RIN3: variants seen among roughly 807,000 people sequenced by gnomAD.
RIN3 encodes the protein Ras and Rab interactor 3, also known as RAB5 interacting protein 3.
In RIN3, 54 loss-of-function variants were observed where a neutral mutation model predicts 76.3. That is an observed-to-expected ratio of 0.71 (90% CI 0.57 to 0.89). The LOEUF (loss-of-function observed/expected upper bound fraction) is 0.89. Ranked by LOEUF, RIN3 falls within the 40% of genes least tolerant of loss-of-function variation. RIN3 has a pLI of 0.00. For missense variants in RIN3, 1,256 were observed against 1,322.1 expected (o/e 0.95, Z 0.78); for synonymous variants, 576 against 564.0 (o/e 1.02, Z -0.30).
At chr14:92,565,573 C>A (rs977503363) in intron 2 of RIN3, among the ~76,000 whole-genome samples, 1 of 152,166 alleles carries the variant, frequency 6.6e-6, no homozygotes, top group African/African-American at 2.4e-5. Context: ...AAGGGGTAGG[C>A]ATTTCCTGGA....
At chr14:92,539,914 G>A (rs566362368) in intron 1 of RIN3, among the ~76,000 whole-genome samples, 4 of 152,302 alleles carry the variant, frequency 2.6e-5, no homozygotes, top group East Asian at 1.9e-4. Flanking sequence ...TGGGTCTGGC[G>A]TGGTGGGAGC....
chr14:92,670,622 T>A (rs1289236704), intron 7 of RIN3, among the ~76,000 whole-genome samples: 1 of 152,216 alleles, frequency 6.6e-6, no homozygotes, highest in Non-Finnish European at 1.5e-5. Flanking sequence ...GGATACTTTC[T>A]CACCAACGTC....
chr14:92,593,081 A>C (rs1566858555), intron 3 of RIN3, among the ~76,000 whole-genome samples: 1 of 152,176 alleles, frequency 6.6e-6, no homozygotes, highest in Non-Finnish European at 1.5e-5. Flanking sequence ...CGTGTGAAGC[A>C]GTATAGCGTT....
At chr14:92,628,692 G>A (rs992771312) in intron 4 of RIN3, among the ~76,000 whole-genome samples, 1 of 152,190 alleles carries the variant, frequency 6.6e-6, no homozygotes, top group African/African-American at 2.4e-5. Flanking sequence ...ATAGGAGAAG[G>A]GAAGAATTTA....
At chr14:92,515,642 G>T (rs1896420413) in intron 1 of RIN3, 1 of 225,132 alleles carries the variant, frequency 4.4e-6, no homozygotes, top group African/African-American at 2.3e-5. Flanking sequence ...TGCCAAATGT[G>T]TAACCTTAGA....
At chr14:92,522,700 A>G (rs985110291) in intron 1 of RIN3, among the ~76,000 whole-genome samples, 1 of 152,208 alleles carries the variant, frequency 6.6e-6, no homozygotes, top group Non-Finnish European at 1.5e-5. Context: ...ATCTGTCACC[A>G]TCCTGGAGCC....
rs1339611690 is a variant in RIN3 at position 92,648,303 on chromosome 14, G to A, written c.533-3279G>A. On this transcript the variant is annotated intron_variant, in intron 5 of 9. Coordinates refer to ENST00000216487, the MANE Select transcript of RIN3 (RefSeq NM_024832.5). The surrounding 1 kb of genome is among the most constrained non-coding windows in gnomAD (Gnocchi z 4.1). Reference sequence around the variant, plus strand: ...AAGCTGTGTCCCAGGTACCCAGGCCGAGAGCCTATTTGCCTGAACCCGTGT... The same window carrying A: ...AAGCTGTGTCCCAGGTACCCAGGCCAAGAGCCTATTTGCCTGAACCCGTGT... 3.9e-5 allele frequency among the ~76,000 whole-genome samples: 6 copies of A among 152,146 alleles called. No homozygotes were observed. Among genetic ancestry groups the A allele is most frequent in the South Asian group, 2.1e-4 (1 of 4,818 alleles).
intron 5 of RIN3, among the ~76,000 whole-genome samples, chr14:92,647,052 C>T (rs1341482947): frequency 6.6e-6 from 1 of 152,190 alleles, no homozygotes; most frequent in Non-Finnish European, 1.5e-5. Flanking sequence ...TGTTTCTTAT[C>T]ATTAGTGTCA....
chr14:92,592,147 A>T (rs945544794), intron 3 of RIN3, among the ~76,000 whole-genome samples: 4 of 152,092 alleles, frequency 2.6e-5, no homozygotes, highest in Non-Finnish European at 5.9e-5. Flanking sequence ...CACACCTGTA[A>T]TCCCAACACT....
At chr14:92,530,415 T>A (rs1166012661) in intron 1 of RIN3, among the ~76,000 whole-genome samples, 1 of 152,170 alleles carries the variant, frequency 6.6e-6, no homozygotes, top group Non-Finnish European at 1.5e-5. Context: ...TCAAGGCAAA[T>A]AAAAAGCAGG....
rs576811507 is a variant in RIN3, at chr14:92,576,343, C to T, written c.250-1017C>T. ...TTGCTTAGAGCGTGAGAAGGAGAAG[C>T]GAGTGTCCGTCAACATGCTGGCTCT... On this transcript the variant is annotated intron_variant, in intron 2 of 9. Coordinates refer to ENST00000216487, the MANE Select transcript of RIN3 (RefSeq NM_024832.5). 4.7e-5 allele frequency: 61 copies of T among 1,289,826 alleles called. No homozygotes were observed. In the South Asian group the frequency reaches 6.3e-4, roughly 13 times the overall value. 79.9% of individuals were successfully genotyped at this position (1,289,826 alleles called of 1,614,324 possible). A position where few individuals can be genotyped will look rare whatever the true frequency, so the allele number is the denominator to read the frequency against.
rs1264651862 is a variant in RIN3, at chr14:92,623,526, C to T, written c.440+8047C>T. Among the ~76,000 whole-genome samples the T allele has an allele frequency of 6.6e-6, 1 of 152,160 alleles. No individual in the cohort carries two copies. ...TCTCGGGCTTTGAATCTATCAGGTA[C>T]CCCCTGTGGGACTCCAATTTCATCT... On this transcript the variant is annotated intron_variant, in intron 4 of 9. Coordinates refer to ENST00000216487, the MANE Select transcript of RIN3 (RefSeq NM_024832.5). The surrounding 1 kb of genome is among the most constrained non-coding windows in gnomAD (Gnocchi z 4.9).
chr14:92,536,214 C>G (rs542447819), intron 1 of RIN3, among the ~76,000 whole-genome samples: 1 of 152,298 alleles, frequency 6.6e-6, no homozygotes, highest in South Asian at 2.1e-4. Context: ...CCTTTCATCT[C>G]CCTCTGCCTT....
chr14:92,676,635 G>T (rs1334093455), intron 8 of RIN3, 29 bp downstream of exon 8: 1 of 1,607,582 alleles, frequency 6.2e-7, no homozygotes, highest in South Asian at 1.1e-5. Context: ...CCCATCAGGT[G>T]CATTGCACAC....
chr14:92,556,841 A>G (rs957008380), intron 2 of RIN3, among the ~76,000 whole-genome samples: 2 of 152,222 alleles, frequency 1.3e-5, no homozygotes, highest in African/African-American at 4.8e-5. Flanking sequence ...ACTGTAACCA[A>G]ACTCACTCCC....
intron 7 of RIN3, among the ~76,000 whole-genome samples, chr14:92,668,603 T>A (rs1036348645): frequency 6.6e-6 from 1 of 152,160 alleles, no homozygotes; most frequent in Non-Finnish European, 1.5e-5. Context: ...TGGGTTCTAA[T>A]CTCATGACAG....
rs555918946 is a variant in RIN3, at chr14:92,554,216, G to A, written c.45-1535G>A. On this transcript the variant is annotated intron_variant, in intron 1 of 9. Transcript: ENST00000216487. ...TTCTGGCCCACCCAACTCAGGATGC[G>A]AGGCTCCGAGATGTTGTTCCTCCTT... 1.2e-4 allele frequency among the ~76,000 whole-genome samples: 18 copies of A among 152,288 alleles called. No homozygotes were observed. In the East Asian group the frequency reaches 2.5e-3, roughly 21 times the overall value.
chr14:92,666,740 C>A (rs1888118526), intron 7 of RIN3, among the ~76,000 whole-genome samples: 1 of 152,170 alleles, frequency 6.6e-6, no homozygotes, highest in South Asian at 2.1e-4. Context: ...GACTCAAGCC[C>A]AAGAAACCTC....
At chr14:92,683,381 T>A (rs1407176813) in intron 8 of RIN3, among the ~76,000 whole-genome samples, 5 of 152,158 alleles carry the variant, frequency 3.3e-5, no homozygotes, top group Non-Finnish European at 7.3e-5. Context: ...GGACTCGGTT[T>A]TCTCTCTCTA....
Sources: allele counts gnomAD v4.1 joint callset (sites outside exome capture counted in the v4.1 genomes callset), GRCh38; gene constraint gnomAD v4.1.1; non-coding constraint Gnocchi (gnomAD v3.1); transcripts MANE v1.5; gene names NCBI Gene and HGNC (gene_info 2026-07-23, HGNC 2026-07-21).